The following XCR1 variants were observed in gnomAD, a reference collection of about 807,000 sequenced individuals.
XCR1 encodes chemokine XC receptor 1.
For missense variants in XCR1, 356 were observed against 424.2 expected, an observed-to-expected ratio of 0.84 and a Z score of 1.41; for synonymous variants, 187 against 188.5, an observed-to-expected ratio of 0.99 and a Z score of 0.06.
intron 4 of XCR1, among the ~76,000 whole-genome samples, chr3:46,066,188 T>G (rs1194054194): frequency 6.7e-6 from 1 of 150,008 alleles, no homozygotes; most frequent in Non-Finnish European, 1.5e-5. Context: ...CAGCCTGCCT[T>G]CCTTCCTTCC....
intron 1 of XCR1, among the ~76,000 whole-genome samples, chr3:46,022,644 G>A (rs925455859): frequency 6.6e-6 from 1 of 152,182 alleles, no homozygotes; most frequent in African/African-American, 2.4e-5. Context: ...TGGCTGAGGA[G>A]TCCGTTCAGT....
chr3:46,065,219 G>A (rs908945321), intron 4 of XCR1, among the ~76,000 whole-genome samples: 3 of 152,154 alleles, frequency 2.0e-5, no homozygotes, highest in African/African-American at 7.2e-5. Flanking sequence ...ACATTTTGGG[G>A]CACTTTGTTA....
intron 5 of XCR1, among the ~76,000 whole-genome samples, chr3:46,032,958 C>T (rs1390810471): frequency 6.6e-6 from 1 of 152,086 alleles, no homozygotes; most frequent in Non-Finnish European, 1.5e-5. Context: ...ATATTTTGTC[C>T]ATTTTCTAAA....
chr3:46,023,284 C>T, intron 1 of XCR1: 1 of 766,416 alleles, frequency 1.3e-6, no homozygotes, highest in Non-Finnish European at 2.2e-6. Flanking sequence ...CTTCCTAAGG[C>T]TGCTGCTGTC....
At position 46,018,876 on chromosome 3, in the gene XCR1, G is replaced by A. The variant is rs1200208399; in HGVS notation, c.*2070C>T. The stretch of plus-strand genomic sequence containing the variant: ...TGCTCAAGGGACTGTAGAAGACTCT[G>A]GACTCCTCATTTTTTAAAAAAGTTG... On this transcript the variant is annotated 3_prime_UTR_variant, in exon 2 of 2. Transcript: ENST00000309285. The A allele has an allele frequency of 3.3e-5, 5 of 152,186 alleles. No homozygotes were observed. Among genetic ancestry groups the A allele is most frequent in the Non-Finnish European group, 7.3e-5 (5 of 68,042 alleles). The allele number at this position is 152,186 out of a possible 1,614,324, so 9.4% of individuals were successfully genotyped here.
At chr3:46,053,205 G>C (rs1212046479) in intron 5 of XCR1, among the ~76,000 whole-genome samples, 2 of 152,100 alleles carry the variant, frequency 1.3e-5, no homozygotes, top group African/African-American at 4.8e-5. Context: ...AAAGTGAATG[G>C]GCTCTGTACG....
chr3:46,063,734 G>A (rs771377472), intron 4 of XCR1, among the ~76,000 whole-genome samples: 33 of 152,152 alleles, frequency 2.2e-4, no homozygotes, highest in African/African-American at 2.6e-4. Flanking sequence ...ACTCTCTCAC[G>A]TCCCCCTTCC....
At chr3:46,081,449 G>A (rs973179842) in intron 1 of XCR1, among the ~76,000 whole-genome samples, 3 of 152,164 alleles carry the variant, frequency 2.0e-5, no homozygotes, top group African/African-American at 7.2e-5. Flanking sequence ...CTCCATTACT[G>A]CCACAGTCTC....
chr3:46,023,573 A>G (rs185879119), intron 1 of XCR1: 1 of 1,455,428 alleles, frequency 6.9e-7, no homozygotes, highest in African/African-American at 1.4e-5. Context: ...ACAGACAAGG[A>G]TGTAGCTGCC....
At chr3:46,029,144 T>TGGAGACATATAGATC (rs752292073), upstream of XCR1, among the ~76,000 whole-genome samples, 1 of 152,186 alleles carries the variant, frequency 6.6e-6, no homozygotes, top group Non-Finnish European at 1.5e-5. Flanking sequence ...TATTCAAGAT[T>TGGAGACATATAGATC]GGAGACATAT....
At chr3:46,064,943 T>G (rs1476040088) in intron 4 of XCR1, among the ~76,000 whole-genome samples, 5 of 151,856 alleles carry the variant, frequency 3.3e-5, no homozygotes, top group Non-Finnish European at 7.4e-5. Flanking sequence ...AATACAAGAT[T>G]AGCCGGGTGT....
upstream of XCR1, among the ~76,000 whole-genome samples, chr3:46,030,965 C>T (rs538648680): frequency 4.6e-5 from 7 of 152,350 alleles, no homozygotes; most frequent in East Asian, 3.9e-4. Flanking sequence ...TTCATTTGTG[C>T]GGGGTTGGCC....
At chr3:46,024,374 CT>C (rs1708244932) in intron 1 of XCR1, among the ~76,000 whole-genome samples, 1 of 152,136 alleles carries the variant, frequency 6.6e-6, no homozygotes, top group South Asian at 2.1e-4. Flanking sequence ...CTGACTTGAG[CT>C]AATGATTCCA....
rs751054943 is a variant in XCR1, at chr3:46,044,633, GAC to G, written c.-32+9285_-32+9286del. 7.6e-4 allele frequency among the ~76,000 whole-genome samples: 116 copies of G among 152,124 alleles called. 1 individual carries two copies. The highest frequency in any genetic ancestry group is 1.2e-3 in the Non-Finnish European group (81 of 67,986). On this transcript the variant is annotated intron_variant, in intron 5 of 5. Coordinates refer to the XCR1 transcript ENST00000683768. The stretch of plus-strand genomic sequence containing the variant: ...CTAGACCAGCTTACACAGAAAAAAA[GAC>G]ACAGATTACTTATAGCAGAAATGAA...
At chr3:46,074,491 G>A (rs1445271264) in intron 3 of XCR1, among the ~76,000 whole-genome samples, 1 of 151,966 alleles carries the variant, frequency 6.6e-6, no homozygotes. Flanking sequence ...GGGGGGTGAA[G>A]GATGAGAAAT....
chr3:46,035,689 T>C (rs192555748), intron 5 of XCR1, among the ~76,000 whole-genome samples: 11 of 152,236 alleles, frequency 7.2e-5, no homozygotes, highest in Non-Finnish European at 1.3e-4. Flanking sequence ...TCCCGATAGG[T>C]GAGTGTCCTT....
intron 5 of XCR1, among the ~76,000 whole-genome samples, chr3:46,049,327 T>C (rs547699731): frequency 1.5e-3 from 225 of 152,282 alleles, no homozygotes; most frequent in Non-Finnish European, 2.6e-3. Context: ...AGGGCGGAAG[T>C]ATTTTGGTGC....
intron 1 of XCR1, among the ~76,000 whole-genome samples, chr3:46,085,299 A>G (rs1299985229): frequency 1.3e-5 from 2 of 152,150 alleles, no homozygotes; most frequent in African/African-American, 4.8e-5. Flanking sequence ...ATCTACATCT[A>G]TACAGATTAG....
In XCR1 at chr3:46,021,512, G is replaced by A. The variant is rs761821740; in HGVS notation, c.436C>T (p.Arg146Trp). Residue 146 changes from arginine (R) to tryptophan (W), a missense_variant, in exon 2 of 2, where the codon CGG becomes TGG. Coordinates refer to ENST00000309285, the MANE Select transcript of XCR1 (RefSeq NM_001024644.2). This position sits in a 1 kb window ranked among gnomAD's most constrained non-coding sequence, Gnocchi z 4.7. ...CACACAGCCATGGTCACCAGCACCCGGCAGCGGAGGGTGGGGACGCGCAGG... is the reference window on the plus strand; with the variant it reads ...CACACAGCCATGGTCACCAGCACCCAGCAGCGGAGGGTGGGGACGCGCAGG... ...STLRVPTLRCRVLVTMAVWVA... is the reference protein window; with the variant it reads ...STLRVPTLRCWVLVTMAVWVA... The A allele has an allele frequency of 1.4e-5, 23 of 1,612,466 alleles. No homozygotes were observed. Among genetic ancestry groups the A allele is most frequent in the East Asian group, 6.7e-5 (3 of 44,810 alleles).
Sources: gnomAD v4.1 joint callset for allele counts (sites outside exome capture counted in the v4.1 genomes callset) on GRCh38, gnomAD v4.1.1 for gene constraint, Gnocchi (gnomAD v3.1) non-coding constraint, MANE v1.5 for transcripts, NCBI Gene and HGNC (gene_info 2026-07-23, HGNC 2026-07-21) for gene names.